The following MARCHF1 variants were observed in gnomAD, a reference collection of about 807,000 sequenced individuals.
MARCHF1 encodes E3 ubiquitin-protein ligase MARCHF1.
In MARCHF1, 40 loss-of-function variants were observed where a neutral mutation model predicts 54.2. The ratio of observed to expected loss-of-function variants is 0.74; its 90% CI spans 0.57 to 0.96. The LOEUF (loss-of-function observed/expected upper bound fraction) is 0.96. Ranked by LOEUF, MARCHF1 falls within the 40% of genes least tolerant of loss-of-function variation. MARCHF1 has a pLI of 0.00. For synonymous variants in MARCHF1, 236 were observed against 236.3 expected (o/e 1.00, Z 0.01); for missense variants, 586 against 656.5 (o/e 0.89, Z 1.17).
chr4:163,793,889 C>T (rs1305322005), intron 4 of MARCHF1, among the ~76,000 whole-genome samples: 1 of 152,182 alleles, frequency 6.6e-6, no homozygotes, highest in Non-Finnish European at 1.5e-5. Context: ...GAATTGCTCA[C>T]TCAGGGAGCT....
chr4:164,025,315 C>G (rs1374334416), intron 2 of MARCHF1, among the ~76,000 whole-genome samples: 3 of 152,016 alleles, frequency 2.0e-5, no homozygotes, highest in African/African-American at 7.2e-5. Flanking sequence ...AGAACATATT[C>G]TTTAAAATGG....
In MARCHF1 at chr4:163,580,846, A is replaced by G. The variant is rs560834844; in HGVS notation, c.1191+4903T>C. On this transcript the variant is annotated intron_variant, in intron 8 of 9. Coordinates refer to ENST00000514618, the MANE Select transcript of MARCHF1 (RefSeq NM_001394959.1). ...AGTCTCGCTCTGTCGCCCAGGTCGGACTGCGGACTGCAGTGGCGCAATCTC... is the reference window on the plus strand; with the variant it reads ...AGTCTCGCTCTGTCGCCCAGGTCGGGCTGCGGACTGCAGTGGCGCAATCTC... Among the ~76,000 whole-genome samples the G allele has an allele frequency of 8.5e-4, 37 of 43,736 alleles. 10 individuals are homozygous for G. The highest frequency in any genetic ancestry group is 2.8e-3 in the African/African-American group (35 of 12,488). The allele number at this position is 43,736 out of a possible 152,430, so 28.7% of individuals were successfully genotyped here.
chr4:163,649,485 A>T (rs1742887150), intron 5 of MARCHF1, among the ~76,000 whole-genome samples: 1 of 152,016 alleles, frequency 6.6e-6, no homozygotes, highest in African/African-American at 2.4e-5. Flanking sequence ...GATCTGGTGA[A>T]ATTTTAAATA....
intron 1 of MARCHF1, among the ~76,000 whole-genome samples, chr4:164,151,415 T>C (rs1351596754): frequency 6.6e-6 from 1 of 152,174 alleles, no homozygotes; most frequent in Non-Finnish European, 1.5e-5. Flanking sequence ...ACTTTATTCT[T>C]ATCTATGAAA....
rs1365265230 is a variant in MARCHF1, at chr4:164,142,550, C to A, written c.-322-30888G>T. ...AGCAGCCTAACTGGGAGGCACCCCC[C>A]AGCAGGGGCACACTGACACCTCACA... is the stretch of plus-strand genomic sequence containing the variant. On this transcript the variant is annotated intron_variant, in intron 1 of 9. Coordinates refer to ENST00000514618, the MANE Select transcript of MARCHF1 (RefSeq NM_001394959.1). Among the ~76,000 whole-genome samples the A allele has an allele frequency of 3.3e-5, 5 of 152,208 alleles. No homozygotes were observed. The South Asian group carries it at 6.2e-4, about 19-fold the overall frequency.
At chr4:164,143,292 C>A (rs1380111989) in intron 1 of MARCHF1, among the ~76,000 whole-genome samples, 3 of 147,942 alleles carry the variant, frequency 2.0e-5, no homozygotes, top group Admixed American at 6.7e-5. Context: ...GCAAGGCAGG[C>A]CAACGTTCAG....
At chr4:164,235,913 G>A (rs1488268566) in intron 1 of MARCHF1, among the ~76,000 whole-genome samples, 1 of 152,016 alleles carries the variant, frequency 6.6e-6, no homozygotes, top group Admixed American at 6.6e-5. Flanking sequence ...TAAAAACCAT[G>A]CAAGTTCTTT....
At chr4:163,839,510 C>A (rs57289456) in intron 4 of MARCHF1, among the ~76,000 whole-genome samples, 1 of 151,984 alleles carries the variant, frequency 6.6e-6, no homozygotes, top group African/African-American at 2.4e-5. Context: ...ATTCATACAA[C>A]GAAATATTAT....
Position 164,274,671 on chromosome 4 carries a change from T to C in MARCHF1, c.-323+109199A>G, listed in dbSNP as rs1261016563. Among the ~76,000 whole-genome samples, 147 of 114,478 alleles carry C rather than the reference T, an allele frequency of 1.3e-3. 12 individuals are homozygous for C. Among genetic ancestry groups the C allele is most frequent in the African/African-American group, 4.8e-3 (135 of 28,028 alleles). The allele number at this position is 114,478 out of a possible 152,430, so 75.1% of individuals were successfully genotyped here. A position where few individuals can be genotyped will look rare whatever the true frequency, so the allele number is the denominator to read the frequency against. On this transcript the variant is annotated intron_variant, in intron 1 of 9. Transcript: ENST00000514618. ...GCTTCAGGGTACACTTTTTTTTTTT[T>C]TTTTTTTTTTTTTTTTTTTTTTTTA...
chr4:164,112,933 A>C (rs11735194), intron 1 of MARCHF1, among the ~76,000 whole-genome samples: 1 of 150,524 alleles, frequency 6.6e-6, no homozygotes. Flanking sequence ...TTTTTAAATA[A>C]ATTATGTATT....
chr4:164,213,226 T>TA (rs1731830177), intron 1 of MARCHF1, among the ~76,000 whole-genome samples: 1 of 147,426 alleles, frequency 6.8e-6, no homozygotes, highest in African/African-American at 2.5e-5. Context: ...TTATTATTAT[T>TA]ATTATTATTA....
chr4:163,588,125 C>A (rs942440533), intron 7 of MARCHF1, among the ~76,000 whole-genome samples: 5 of 152,002 alleles, frequency 3.3e-5, no homozygotes, highest in African/African-American at 9.7e-5. Flanking sequence ...ATCTAAAGTC[C>A]CGGGGTGGAA....
At chr4:164,295,047 T>C (rs2111377489) in intron 1 of MARCHF1, among the ~76,000 whole-genome samples, 1 of 151,812 alleles carries the variant, frequency 6.6e-6, no homozygotes, top group South Asian at 2.1e-4. Context: ...ACGTAAGTTT[T>C]ACATAACATG....
At chr4:163,564,096 C>T (rs1356858072) in intron 8 of MARCHF1, among the ~76,000 whole-genome samples, 1 of 152,208 alleles carries the variant, frequency 6.6e-6, no homozygotes, top group African/African-American at 2.4e-5. Context: ...TATGAGTTCA[C>T]TTCACTCTCT....
chr4:163,639,113 C>A (rs1467156349), intron 5 of MARCHF1, among the ~76,000 whole-genome samples: 3 of 152,084 alleles, frequency 2.0e-5, no homozygotes, highest in Non-Finnish European at 4.4e-5. Flanking sequence ...AATTTGATTA[C>A]ACAACAATGT....
chr4:164,242,074 C>T (rs1317517399), intron 1 of MARCHF1, among the ~76,000 whole-genome samples: 1 of 152,182 alleles, frequency 6.6e-6, no homozygotes, highest in Non-Finnish European at 1.5e-5. Context: ...ATTGCCCAGC[C>T]TTGATTAGGT....
At chr4:164,203,027 G>C (rs1049567972) in intron 1 of MARCHF1, among the ~76,000 whole-genome samples, 1 of 151,720 alleles carries the variant, frequency 6.6e-6, no homozygotes, top group Non-Finnish European at 1.5e-5. Context: ...TAACAGAGTA[G>C]ATTGAGTTTC....
chr4:163,617,260 T>C (rs1173323200), intron 5 of MARCHF1, among the ~76,000 whole-genome samples: 3 of 152,128 alleles, frequency 2.0e-5, no homozygotes, highest in East Asian at 1.9e-4. Context: ...AGGGAAAAGT[T>C]AGTTAACAGA....
intron 3 of MARCHF1, among the ~76,000 whole-genome samples, chr4:163,964,504 A>G (rs4056341): frequency 0.53 from 80,862 of 151,750 alleles, 23,042 homozygotes; most frequent in Middle Eastern, 0.68. Context: ...AAGAATTTAC[A>G]TTTCTAACAA....
Sources: allele counts gnomAD v4.1 joint callset (sites outside exome capture counted in the v4.1 genomes callset), GRCh38; gene constraint gnomAD v4.1.1; transcripts MANE v1.5; gene names NCBI Gene and HGNC (gene_info 2026-07-23, HGNC 2026-07-21).